Variants in CREB5 observed in about 807,000 individuals in gnomAD.
The protein encoded by CREB5 is cyclic AMP-responsive element-binding protein 5.
CREB5 carries 19 observed loss-of-function variants against 57.1 expected under a neutral mutation model. The observed-to-expected ratio is 0.33, with a 90% confidence interval of 0.23 to 0.49. The LOEUF is 0.49. Among genes scored for constraint, CREB5 ranks in the 20% least tolerant of loss-of-function variants. The pLI, the probability that CREB5 is intolerant of heterozygous loss-of-function variation, is 0.99. For missense variants in CREB5, 579 were observed against 671.6 expected (o/e 0.86, Z 1.52); for synonymous variants, 238 against 238.3 (o/e 1.00, Z 0.01).
chr7:28,502,386 CA>C (rs56300430), intron 3 of CREB5, among the ~76,000 whole-genome samples: 22,846 of 150,110 alleles, frequency 0.15, 1,879 homozygotes, highest in South Asian at 0.28. Flanking sequence ...TAAATGTAAC[CA>C]AAAAAAAATA....
chr7:28,779,846 C>A (rs1353652947), intron 7 of CREB5, among the ~76,000 whole-genome samples: 1 of 152,160 alleles, frequency 6.6e-6, no homozygotes, highest in Non-Finnish European at 1.5e-5. Context: ...CAGGCTCTTT[C>A]TTCTCTGACA....
chr7:28,677,167 AT>A (rs1304798730), intron 5 of CREB5, among the ~76,000 whole-genome samples: 1 of 152,230 alleles, frequency 6.6e-6, no homozygotes, highest in Non-Finnish European at 1.5e-5. Context: ...ATATGAATGT[AT>A]TTATATATTT....
intron 1 of CREB5, among the ~76,000 whole-genome samples, chr7:28,359,315 A>C (rs1786413308): frequency 2.0e-5 from 3 of 152,140 alleles, no homozygotes; most frequent in Admixed American, 2.0e-4. Context: ...GCATTTCCTC[A>C]AAAGAAATAT....
chr7:28,579,695 C>T (rs35952350), intron 5 of CREB5, among the ~76,000 whole-genome samples: 26,085 of 152,168 alleles, frequency 0.17, 2,684 homozygotes, highest in East Asian at 0.26. Context: ...GCCAAACACA[C>T]AGCACTTTAC....
intron 1 of CREB5, among the ~76,000 whole-genome samples, chr7:28,420,701 G>A (rs765516937): frequency 1.7e-4 from 26 of 151,582 alleles, no homozygotes; most frequent in Non-Finnish European, 3.2e-4. Flanking sequence ...CCAGCTACTC[G>A]GGAGGCTGGG....
chr7:28,312,308 G>A (rs994996996), intron 1 of CREB5, among the ~76,000 whole-genome samples: 4 of 152,146 alleles, frequency 2.6e-5, no homozygotes, highest in African/African-American at 9.7e-5. Context: ...TGGATGGTGA[G>A]TTTTGAGGGC....
intron 5 of CREB5, among the ~76,000 whole-genome samples, chr7:28,704,933 T>C (rs2128739638): frequency 6.6e-6 from 1 of 152,350 alleles, no homozygotes; most frequent in African/African-American, 2.4e-5. Flanking sequence ...GTAGACACTC[T>C]TGCTGGTGTA....
chr7:28,534,574 A>G (rs1265441888), intron 4 of CREB5, among the ~76,000 whole-genome samples: 1 of 152,226 alleles, frequency 6.6e-6, no homozygotes, highest in Non-Finnish European at 1.5e-5. Context: ...CTTCTTCTGC[A>G]GCCACTTTTC....
At chr7:28,610,539 C>G (rs1745726351) in intron 5 of CREB5, among the ~76,000 whole-genome samples, 1 of 152,034 alleles carries the variant, frequency 6.6e-6, no homozygotes, top group Non-Finnish European at 1.5e-5. Context: ...CTAAATAAAC[C>G]CAATGAAAAC....
chr7:28,474,201 G>C (rs1420922166), intron 1 of CREB5, among the ~76,000 whole-genome samples: 1 of 152,134 alleles, frequency 6.6e-6, no homozygotes, highest in African/African-American at 2.4e-5. Flanking sequence ...AGTAGGAGAG[G>C]GATTTCAGGA....
intron 5 of CREB5, among the ~76,000 whole-genome samples, chr7:28,663,396 G>A (rs1321057460): frequency 1.3e-5 from 2 of 151,918 alleles, no homozygotes; most frequent in South Asian, 4.1e-4. Context: ...GTAGAGATGG[G>A]GTTTCACCAT....
intron 1 of CREB5, among the ~76,000 whole-genome samples, chr7:28,351,769 G>A (rs1355717353): frequency 6.7e-6 from 1 of 150,084 alleles, no homozygotes; most frequent in Non-Finnish European, 1.5e-5. Flanking sequence ...TTATGGTTTA[G>A]AAAAAAAAAA....
At chr7:28,548,015 T>C (rs1794484193) in intron 4 of CREB5, among the ~76,000 whole-genome samples, 1 of 152,194 alleles carries the variant, frequency 6.6e-6, no homozygotes, top group Admixed American at 6.5e-5. Flanking sequence ...TCCCATTCTT[T>C]TACTCCTCAG....
intron 5 of CREB5, among the ~76,000 whole-genome samples, chr7:28,682,975 G>A (rs1476299153): frequency 6.6e-6 from 1 of 152,146 alleles, no homozygotes; most frequent in Admixed American, 6.5e-5. Context: ...GAGTTACACC[G>A]AACAGCTGCG....
In CREB5 at chr7:28,822,548, C is replaced by T. The variant is rs558467175; in HGVS notation, c.*3269C>T. ...GGGAAAATCCTGTCACACTGCCTCT[C>T]CCCATTCGTGTGTGGTTTTCTTGAT... On this transcript the variant is annotated 3_prime_UTR_variant, in exon 11 of 11. Coordinates refer to ENST00000357727, the MANE Select transcript of CREB5 (RefSeq NM_182898.4). 4 of 152,800 alleles carry T rather than the reference C, an allele frequency of 2.6e-5. No homozygotes were observed. The highest frequency in any genetic ancestry group is 2.6e-4 in the Admixed American group (4 of 15,300). 9.5% of individuals were successfully genotyped at this position (152,800 alleles called of 1,614,324 possible).
intron 5 of CREB5, among the ~76,000 whole-genome samples, chr7:28,599,748 T>C (rs1452780814): frequency 3.7e-4 from 1 of 2,698 alleles, no homozygotes; most frequent in Non-Finnish European, 0.031. Context: ...TGTTTTGTTT[T>C]GTTTTGTTTT....
intron 2 of CREB5, among the ~76,000 whole-genome samples, chr7:28,490,173 T>C (rs1791737497): frequency 6.6e-6 from 1 of 152,236 alleles, no homozygotes; most frequent in Non-Finnish European, 1.5e-5. Flanking sequence ...GGGGAAACAG[T>C]AATCACAAGA....
intron 5 of CREB5, among the ~76,000 whole-genome samples, chr7:28,685,781 A>C (rs948600775): frequency 6.7e-6 from 1 of 149,628 alleles, no homozygotes; most frequent in Non-Finnish European, 1.5e-5. Context: ...CTGTAGGGCC[A>C]TCCCCAGCGG....
At chr7:28,558,394 A>G (rs764701473) in intron 4 of CREB5, among the ~76,000 whole-genome samples, 6 of 152,248 alleles carry the variant, frequency 3.9e-5, no homozygotes, top group Non-Finnish European at 8.8e-5. Context: ...ACAATTTACA[A>G]TGCAAGGCCA....
Sources: allele counts gnomAD v4.1 joint callset (sites outside exome capture counted in the v4.1 genomes callset), GRCh38; gene constraint gnomAD v4.1.1; transcripts MANE v1.5; gene names NCBI Gene and HGNC (gene_info 2026-07-23, HGNC 2026-07-21).